Variants in RRN3 observed in about 807,000 individuals in gnomAD.
RRN3 encodes the protein RNA polymerase I-specific transcription initiation factor RRN3.
A neutral mutation model predicts 82.3 loss-of-function variants in RRN3; 38 were observed. That is an observed-to-expected ratio of 0.46 (90% CI 0.36 to 0.61). The LOEUF is 0.61. Among genes scored for constraint, RRN3 ranks in the 20% least tolerant of loss-of-function variants. The pLI, the probability that RRN3 is intolerant of heterozygous loss-of-function variation, is 0.00. For missense variants in RRN3, 726 were observed against 793.1 expected (o/e 0.92, Z 1.02); for synonymous variants, 284 against 284.3 (o/e 1.00, Z 0.01).
At chr16:15,079,059 C>T (rs1025845136) in intron 9 of RRN3, among the ~76,000 whole-genome samples, 1 of 152,146 alleles carries the variant, frequency 6.6e-6, no homozygotes, top group Admixed American at 6.5e-5. Context: ...ATCCGCCCGC[C>T]TCGGCCTCCC....
At position 15,061,814 on chromosome 16, in the gene RRN3, G is replaced by C. The variant is rs755227377; in HGVS notation, c.1886C>G (p.Thr629Arg). 3 of 1,614,146 alleles carry C rather than the reference G, an allele frequency of 1.9e-6. No individual in the cohort carries two copies. Among genetic ancestry groups the C allele is most frequent in the Middle Eastern group, 1.6e-4 (1 of 6,062 alleles). ...VIGITPSSFD[T>R]HFRSPSSSVG... ...ACTACTTGAAGGACTTCGGAAATGCGTGTCAAAGGAGCTTGGTGTGATCCC... is the reference window on the plus strand; with the variant it reads ...ACTACTTGAAGGACTTCGGAAATGCCTGTCAAAGGAGCTTGGTGTGATCCC... Residue 629 changes from threonine (T) to arginine (R), a missense_variant, in exon 18 of 18, where the codon ACG becomes AGG. Physicochemically the swap from Thr to Arg is moderately conservative, Grantham distance 71. Transcript: ENST00000198767.
chr16:15,063,129 C>CTA (rs1306162081), intron 17 of RRN3, 67 bp downstream of exon 17: 1 of 1,212,216 alleles, frequency 8.2e-7, no homozygotes, highest in African/African-American at 1.5e-5. Flanking sequence ...TTGCCACTTA[C>CTA]TATCTCACTG....
intron 9 of RRN3, among the ~76,000 whole-genome samples, chr16:15,079,057 G>A (rs577811800): frequency 2.4e-4 from 36 of 151,934 alleles, no homozygotes; most frequent in Middle Eastern, 3.2e-3. Flanking sequence ...TGATCCGCCC[G>A]CCTCGGCCTC....
At chr16:15,066,207 CTGGAGGGTGGTTT>C (rs1459316483) in intron 15 of RRN3, among the ~76,000 whole-genome samples, 1 of 152,172 alleles carries the variant, frequency 6.6e-6, no homozygotes, top group African/African-American at 2.4e-5. Flanking sequence ...CAAAACCACA[CTGGAGGGTGGTTT>C]GCACTATCAG....
intron 15 of RRN3, among the ~76,000 whole-genome samples, chr16:15,065,975 A>G (rs1292243825): frequency 6.6e-6 from 1 of 152,252 alleles, no homozygotes; most frequent in African/African-American, 2.4e-5. Context: ...AAAGACAATT[A>G]TGTTTTTAAT....
At chr16:15,065,393 CA>C (rs779682981) in intron 15 of RRN3, 22 bp from the exon 16 acceptor site, 1 of 1,606,986 alleles carries the variant, frequency 6.2e-7, no homozygotes, top group Admixed American at 1.7e-5. Flanking sequence ...AAAAACAACA[CA>C]GACAGAGGCA....
At chr16:15,071,305 G>A in intron 12 of RRN3, 54 bp from the exon 13 acceptor site, 2 of 1,514,910 alleles carry the variant, frequency 1.3e-6, no homozygotes, top group Non-Finnish European at 1.8e-6. Flanking sequence ...AGATAATCTG[G>A]CTATCAAAAT....
rs1394107628 is a variant in RRN3 at position 15,084,629 on chromosome 16, A to G, written c.596+13T>C. On this transcript the variant is annotated intron_variant, in intron 7 of 17. Transcript: ENST00000198767. ...GAGAATTAAACATTCAAAATAAGGA[A>G]AAGTATACTCACGATGGTACATATC... 3 of 1,565,820 alleles carry G rather than the reference A, an allele frequency of 1.9e-6. No individual in the cohort carries two copies. In the East Asian group the frequency reaches 6.7e-5, roughly 35 times the overall value.
intron 15 of RRN3, among the ~76,000 whole-genome samples, chr16:15,065,771 TA>T (rs1413728163): frequency 2.0e-5 from 3 of 152,064 alleles, no homozygotes; most frequent in Non-Finnish European, 4.4e-5. Flanking sequence ...AGGTTGGTGG[TA>T]AAGGGATTCA....
intron 9 of RRN3, among the ~76,000 whole-genome samples, chr16:15,079,016 T>A (rs10153173): frequency 1.3e-3 from 196 of 152,218 alleles, no homozygotes; most frequent in African/African-American, 4.3e-3. Flanking sequence ...TTCACCATGT[T>A]AGCCAGGATG....
chr16:15,080,832 T>G (rs1457898918), intron 8 of RRN3, among the ~76,000 whole-genome samples: 15 of 55,162 alleles, frequency 2.7e-4, no homozygotes, highest in Non-Finnish European at 6.7e-4. Context: ...ATCTGCCTCT[T>G]TGACATTTCA....
At chr16:15,076,711 T>C in intron 9 of RRN3, 61 bp from the exon 10 acceptor site, 4 of 1,239,688 alleles carry the variant, frequency 3.2e-6, no homozygotes, top group Non-Finnish European at 2.4e-6. Flanking sequence ...TATGTTATTT[T>C]GGGATGGAAA....
At chr16:15,092,339 A>G (rs1423936589) in intron 2 of RRN3, among the ~76,000 whole-genome samples, 170 bp downstream of exon 2, 1 of 152,164 alleles carries the variant, frequency 6.6e-6, no homozygotes, top group Non-Finnish European at 1.5e-5. Flanking sequence ...TGGGGGAAAA[A>G]AAGGACACTA....
At chr16:15,074,921 G>A (rs1597923315) in intron 10 of RRN3, 60 bp from the exon 11 acceptor site, 1 of 1,491,358 alleles carries the variant, frequency 6.7e-7, no homozygotes, top group Non-Finnish European at 9.1e-7. Context: ...TGGTTTAGTA[G>A]GAAAACTGTC....
chr16:15,076,724 C>A (rs1451779495), intron 9 of RRN3, 74 bp from the exon 10 acceptor site: 1 of 1,038,368 alleles, frequency 9.6e-7, no homozygotes, highest in Non-Finnish European at 1.5e-6. Flanking sequence ...GATGGAAATT[C>A]ATCTGATATA....
chr16:15,090,438 A>G (rs1254590267), intron 3 of RRN3, among the ~76,000 whole-genome samples: 1 of 152,218 alleles, frequency 6.6e-6, no homozygotes, highest in East Asian at 1.9e-4. Flanking sequence ...AAGTATTTCC[A>G]TGTTTAAAGC....
In RRN3 at chr16:15,064,766, A is replaced by C. The variant is rs1160172557; in HGVS notation, c.1706+453T>G. On this transcript the variant is annotated intron_variant, in intron 16 of 17. Coordinates refer to ENST00000198767, the MANE Select transcript of RRN3 (RefSeq NM_018427.5). The stretch of plus-strand genomic sequence containing the variant: ...CATCCTCTACTTTGCATCTGGTGAA[A>C]TATACGCAGGGAGACCACGAGATGC... 5.9e-5 allele frequency among the ~76,000 whole-genome samples: 9 copies of C among 152,326 alleles called. No homozygotes were observed. In the East Asian group the frequency reaches 1.7e-3, roughly 29 times the overall value.
intron 12 of RRN3, 22 bp downstream of exon 12, chr16:15,072,928 T>G: frequency 1.9e-6 from 3 of 1,611,660 alleles, no homozygotes; most frequent in Non-Finnish European, 1.7e-6. Flanking sequence ...GCTAAGATAA[T>G]GTTAATCACA....
At chr16:15,083,445 T>G in intron 8 of RRN3, 68 bp downstream of exon 8, 1 of 1,596,114 alleles carries the variant, frequency 6.3e-7, no homozygotes, top group South Asian at 1.1e-5. Context: ...GAAAAAGACC[T>G]AATATCATCT....
Sources: gnomAD v4.1 joint callset for allele counts (sites outside exome capture counted in the v4.1 genomes callset) on GRCh38, gnomAD v4.1.1 for gene constraint, MANE v1.5 for transcripts, NCBI Gene and HGNC (gene_info 2026-07-23, HGNC 2026-07-21) for gene names.